The following XIRP2 variants were observed in gnomAD, a reference collection of about 807,000 sequenced individuals.
The protein encoded by XIRP2 is xin actin binding repeat containing 2, also known as xin actin-binding repeat-containing protein 2.
Under a neutral mutation model 277.0 loss-of-function variants are expected in XIRP2, and 236 were observed. The observed-to-expected ratio is 0.85, with a 90% CI of 0.77 to 0.95. XIRP2 has a LOEUF of 0.95. Ranked by LOEUF, XIRP2 falls within the 40% of genes least tolerant of loss-of-function variation. The pLI is 0.00. For synonymous variants in XIRP2, 1,490 were observed against 1,416.5 expected (o/e 1.05, Z -1.17); for missense variants, 4,640 against 4,157.5 (o/e 1.12, Z -3.19).
intron 2 of XIRP2, among the ~76,000 whole-genome samples, chr2:166,981,539 G>T (rs747544181): frequency 6.6e-6 from 1 of 151,562 alleles, no homozygotes; most frequent in Non-Finnish European, 1.5e-5. Context: ...CTCCTGCCTC[G>T]GCCTCCAGAG....
At chr2:166,943,313 C>T (rs1685769823) in intron 2 of XIRP2, among the ~76,000 whole-genome samples, 1 of 152,068 alleles carries the variant, frequency 6.6e-6, no homozygotes, top group African/African-American at 2.4e-5. Flanking sequence ...CAAACATTTA[C>T]AAGATAGCCA....
At chr2:166,978,062 A>G (rs1686762620) in intron 2 of XIRP2, among the ~76,000 whole-genome samples, 1 of 152,192 alleles carries the variant, frequency 6.6e-6, no homozygotes, top group Non-Finnish European at 1.5e-5. Flanking sequence ...TTATGTGTTC[A>G]TGAAAGTAGT....
At chr2:167,190,320 C>T (rs1693291275) in intron 3 of XIRP2, among the ~76,000 whole-genome samples, 1 of 151,836 alleles carries the variant, frequency 6.6e-6, no homozygotes, top group Non-Finnish European at 1.5e-5. Context: ...ATGTTCTAAT[C>T]CTCTAATCAC....
At chr2:167,205,197 C>G (rs989932224) in intron 3 of XIRP2, among the ~76,000 whole-genome samples, 1 of 152,140 alleles carries the variant, frequency 6.6e-6, no homozygotes, top group Admixed American at 6.5e-5. Context: ...CTGGTACAAA[C>G]CTATTACACA....
chr2:167,155,931 C>G (rs955948678), intron 3 of XIRP2, among the ~76,000 whole-genome samples: 10 of 150,196 alleles, frequency 6.7e-5, no homozygotes, highest in African/African-American at 2.5e-4. Flanking sequence ...AAAAAAATCA[C>G]AAGCATTCTT....
intron 2 of XIRP2, among the ~76,000 whole-genome samples, chr2:167,090,531 T>C (rs1690108878): frequency 1.3e-5 from 2 of 152,126 alleles, no homozygotes; most frequent in Admixed American, 6.5e-5. Context: ...GTTGGTAAGA[T>C]ATTTGTCTCA....
intron 2 of XIRP2, among the ~76,000 whole-genome samples, chr2:167,132,288 C>T (rs143487416): frequency 5.7e-4 from 87 of 152,262 alleles, no homozygotes; most frequent in East Asian, 4.5e-3. Context: ...TGCGAACACA[C>T]TTTTAATAGT....
At chr2:166,955,978 C>T (rs529068626) in intron 2 of XIRP2, among the ~76,000 whole-genome samples, 2 of 151,896 alleles carry the variant, frequency 1.3e-5, no homozygotes, top group Admixed American at 6.6e-5. Flanking sequence ...TTCTCATGCT[C>T]AGCTATTTTT....
intron 3 of XIRP2, chr2:167,187,212 T>A (rs1693181162): frequency 1.0e-6 from 1 of 980,728 alleles, no homozygotes; most frequent in Non-Finnish European, 1.2e-6. Flanking sequence ...CATACATTAC[T>A]GAGGGCACTA....
At chr2:167,018,468 T>A (rs149135790) in intron 2 of XIRP2, among the ~76,000 whole-genome samples, 1 of 152,086 alleles carries the variant, frequency 6.6e-6, no homozygotes, top group East Asian at 1.9e-4. Context: ...AGACACACTA[T>A]TTAGTCCATG....
chr2:167,021,571 A>T (rs1687983108), intron 2 of XIRP2, among the ~76,000 whole-genome samples: 1 of 152,052 alleles, frequency 6.6e-6, no homozygotes, highest in African/African-American at 2.4e-5. Flanking sequence ...ATTTACAGCT[A>T]TCTGCAGTGG....
At chr2:166,987,091 A>T (rs1489070414) in intron 2 of XIRP2, among the ~76,000 whole-genome samples, 2 of 152,168 alleles carry the variant, frequency 1.3e-5, no homozygotes, top group African/African-American at 2.4e-5. Context: ...AACATGTTTA[A>T]ATCCATTGCT....
intron 3 of XIRP2, among the ~76,000 whole-genome samples, chr2:167,184,999 G>A (rs950859603): frequency 3.3e-5 from 5 of 151,934 alleles, no homozygotes; most frequent in African/African-American, 7.3e-5. Flanking sequence ...CCATCTACCC[G>A]TCATTCATCT....
chr2:166,924,133 T>G (rs115368873), intron 2 of XIRP2, among the ~76,000 whole-genome samples: 78 of 152,252 alleles, frequency 5.1e-4, no homozygotes, highest in Admixed American at 1.0e-3. Context: ...CAGAAATCTT[T>G]TTTTGTGTGT....
At chr2:167,201,240 AAGAAAGAAAGAAAGAAAGAAAGAGAG>A (rs1207062272) in intron 3 of XIRP2, among the ~76,000 whole-genome samples, 2 of 101,972 alleles carry the variant, frequency 2.0e-5, no homozygotes, top group African/African-American at 1.2e-4. Context: ...GAAAGAAAGA[AAGAAAGAAAGAAAGAAAGAAAGAGAG>A]AGGGAGAAAG....
intron 3 of XIRP2, among the ~76,000 whole-genome samples, chr2:167,137,113 G>A (rs113660498): frequency 0.085 from 12,956 of 152,180 alleles, 619 homozygotes; most frequent in African/African-American, 0.12. Flanking sequence ...GAACAGACTG[G>A]TCTTCAGGGG....
chr2:167,187,806 A>T (rs571394848), intron 3 of XIRP2, among the ~76,000 whole-genome samples: 1 of 152,342 alleles, frequency 6.6e-6, no homozygotes, highest in South Asian at 2.1e-4. Flanking sequence ...AGTTAAAATT[A>T]TACTTCAACT....
chr2:167,164,453 A>G, intron 3 of XIRP2, among the ~76,000 whole-genome samples: 1 of 151,148 alleles, frequency 6.6e-6, no homozygotes, highest in Non-Finnish European at 1.5e-5. Flanking sequence ...CTCAAAAAAA[A>G]AAAAAAAAAA....
intron 2 of XIRP2, among the ~76,000 whole-genome samples, chr2:167,018,196 T>C (rs1477796983): frequency 6.6e-6 from 1 of 152,042 alleles, no homozygotes; most frequent in African/African-American, 2.4e-5. Flanking sequence ...AATTTCTGAA[T>C]CTTTACACCC....
Sources: gnomAD v4.1 joint callset for allele counts (sites outside exome capture counted in the v4.1 genomes callset) on GRCh38, gnomAD v4.1.1 for gene constraint, MANE v1.5 for transcripts, NCBI Gene and HGNC (gene_info 2026-07-23, HGNC 2026-07-21) for gene names.